GRM5: variants seen among roughly 807,000 people sequenced by gnomAD.
GRM5 encodes the protein glutamate metabotropic receptor 5.
In GRM5, 19 loss-of-function variants were observed where a neutral mutation model predicts 83.1. That is an observed-to-expected ratio of 0.23 (90% confidence interval 0.16 to 0.34). The LOEUF is 0.34. Ranked by LOEUF, GRM5 falls within the 10% of genes least tolerant of loss-of-function variation. The pLI is 1.00. For missense variants in GRM5, 1,160 were observed against 1,588.3 expected (o/e 0.73, Z 4.58); for synonymous variants, 675 against 633.6 (o/e 1.07, Z -0.98).
In GRM5 at chr11:89,056,474, G is replaced by A. The variant is rs949679279; in HGVS notation, c.-200-8402C>T. On this transcript the variant is annotated intron_variant, in intron 1 of 9. Transcript: ENST00000305447. ...AATACCACAATACTTTATTTTCAGC[G>A]TAAAGAGCCTTTTTTCATTCTTGAT... Among the ~76,000 whole-genome samples the A allele has an allele frequency of 3.9e-5, 6 of 152,104 alleles. No homozygotes were observed. The East Asian group carries it at 7.7e-4, about 20-fold the overall frequency.
At chr11:88,617,549 A>G (rs1359877561) in intron 4 of GRM5, among the ~76,000 whole-genome samples, 1 of 152,188 alleles carries the variant, frequency 6.6e-6, no homozygotes, top group Non-Finnish European at 1.5e-5. Context: ...CAAATCAGAG[A>G]GCATGGAGAA....
chr11:88,725,698 C>A (rs1006084649), intron 3 of GRM5, among the ~76,000 whole-genome samples: 1 of 152,144 alleles, frequency 6.6e-6, no homozygotes, highest in African/African-American at 2.4e-5. Flanking sequence ...AAACAGGCAG[C>A]AATTTTTCCT....
At chr11:88,553,681 T>C (rs981022233) in intron 8 of GRM5, among the ~76,000 whole-genome samples, 3 of 152,170 alleles carry the variant, frequency 2.0e-5, no homozygotes, top group Non-Finnish European at 2.9e-5. Flanking sequence ...CTTGCTCTCA[T>C]TTTCACACCT....
At chr11:88,511,787 T>A (rs1941377254) in intron 9 of GRM5, 1 of 152,214 alleles carries the variant, frequency 6.6e-6, no homozygotes, top group Non-Finnish European at 1.5e-5. Context: ...AGAGAAGAAA[T>A]GGGCCAGTTT....
At chr11:88,518,979 T>C (rs1407547997) in intron 9 of GRM5, among the ~76,000 whole-genome samples, 1 of 148,936 alleles carries the variant, frequency 6.7e-6, no homozygotes, top group Non-Finnish European at 1.5e-5. Context: ...TTTTGTTTTG[T>C]GGCCTTAAAA....
rs115885214 is a variant in GRM5 at position 88,885,413 on chromosome 11, C to T, written c.662-35258G>A. Among the ~76,000 whole-genome samples, 550 of 127,500 alleles carry T rather than the reference C, an allele frequency of 4.3e-3. 2 individuals are homozygous for T. Among genetic ancestry groups the T allele is most frequent in the African/African-American group, 0.016 (519 of 32,560 alleles). The allele number at this position is 127,500 out of a possible 152,430, so 83.6% of individuals were successfully genotyped here. ...ACTTTGATTTTTAAATTACAGTCAT[C>T]ATTAGTAAAATTTCTGAATTCTATA... On this transcript the variant is annotated intron_variant, in intron 2 of 9. Coordinates refer to ENST00000305447, the MANE Select transcript of GRM5 (RefSeq NM_001143831.3).
intron 1 of GRM5, among the ~76,000 whole-genome samples, chr11:89,053,581 T>G (rs1941806611): frequency 6.6e-6 from 1 of 151,826 alleles, no homozygotes; most frequent in South Asian, 2.1e-4. Context: ...AGATATAAAG[T>G]CACATCATTA....
At chr11:89,007,032 C>T (rs1370576912) in intron 2 of GRM5, among the ~76,000 whole-genome samples, 2 of 152,172 alleles carry the variant, frequency 1.3e-5, no homozygotes, top group East Asian at 1.9e-4. Context: ...CTCCTGACCT[C>T]GTGATCTGCC....
At chr11:88,890,749 A>G (rs1249511428) in intron 2 of GRM5, among the ~76,000 whole-genome samples, 1 of 152,094 alleles carries the variant, frequency 6.6e-6, no homozygotes, top group East Asian at 1.9e-4. Context: ...CAGATCTTAT[A>G]TGCATTTCTG....
chr11:88,609,697 G>A (rs1395938289), intron 4 of GRM5, among the ~76,000 whole-genome samples: 2 of 152,126 alleles, frequency 1.3e-5, no homozygotes, highest in African/African-American at 4.8e-5. Context: ...TGTTTACTCT[G>A]CTGATAGTTT....
At chr11:88,604,651 C>G in intron 5 of GRM5, 67 bp downstream of exon 5, 1 of 1,297,412 alleles carries the variant, frequency 7.7e-7, no homozygotes. Context: ...GAGAAAGAGA[C>G]ATTTCAGGAT....
intron 3 of GRM5, 22 bp from the exon 4 acceptor site, chr11:88,653,425 C>T: frequency 6.5e-7 from 1 of 1,535,868 alleles, no homozygotes; most frequent in Non-Finnish European, 9.0e-7. Flanking sequence ...TAAAAAAACC[C>T]TCAGCTTAGA....
chr11:89,022,109 T>A (rs1940999431), intron 2 of GRM5, among the ~76,000 whole-genome samples: 1 of 152,186 alleles, frequency 6.6e-6, no homozygotes, highest in Admixed American at 6.5e-5. Flanking sequence ...ATAGCAGTTA[T>A]TCCATTTACA....
chr11:88,743,185 G>T (rs1942063186), intron 3 of GRM5, among the ~76,000 whole-genome samples: 1 of 152,074 alleles, frequency 6.6e-6, no homozygotes. Context: ...AGGGAAAAGG[G>T]TGATGGACCA....
intron 2 of GRM5, among the ~76,000 whole-genome samples, chr11:88,893,408 G>A (rs1945180899): frequency 6.6e-6 from 1 of 151,918 alleles, no homozygotes; most frequent in African/African-American, 2.4e-5. Flanking sequence ...AAGATTACAA[G>A]GATGGTAAAT....
At chr11:88,978,159 C>A (rs1057045403) in intron 2 of GRM5, among the ~76,000 whole-genome samples, 3 of 151,984 alleles carry the variant, frequency 2.0e-5, no homozygotes, top group African/African-American at 7.2e-5. Context: ...AAATATAGTG[C>A]CTGTAGTTAA....
intron 3 of GRM5, among the ~76,000 whole-genome samples, chr11:88,788,965 C>A (rs1359528044): frequency 6.6e-6 from 1 of 152,100 alleles, no homozygotes; most frequent in African/African-American, 2.4e-5. Context: ...TTTTAGAGGG[C>A]AGCAATGTTC....
At chr11:89,044,851 A>G (rs752888711) in intron 2 of GRM5, among the ~76,000 whole-genome samples, 2 of 120,012 alleles carry the variant, frequency 1.7e-5, no homozygotes, top group East Asian at 2.4e-4. Flanking sequence ...AGTGGGGAGG[A>G]AAAAAAAAAA....
At chr11:88,987,258 T>G (rs1405317081) in intron 2 of GRM5, among the ~76,000 whole-genome samples, 2 of 152,098 alleles carry the variant, frequency 1.3e-5, no homozygotes, top group Non-Finnish European at 2.9e-5. Flanking sequence ...CCACGGCACC[T>G]GGAAAATCGG....
Sources: gnomAD v4.1 joint callset for allele counts (sites outside exome capture counted in the v4.1 genomes callset) on GRCh38, gnomAD v4.1.1 for gene constraint, MANE v1.5 for transcripts, NCBI Gene and HGNC (gene_info 2026-07-23, HGNC 2026-07-21) for gene names.